The following PRDM16 variants were observed in gnomAD, a reference collection of about 807,000 sequenced individuals.
PRDM16 encodes PR/SET domain 16, also known as histone-lysine N-methyltransferase PRDM16.
A neutral mutation model predicts 110.6 loss-of-function variants in PRDM16; 23 were observed. That is an observed-to-expected ratio of 0.21 (90% CI 0.15 to 0.29). The LOEUF (loss-of-function observed/expected upper bound fraction) is 0.29, where lower values mean the gene tolerates loss of function less well. PRDM16 is among the 10% of genes least tolerant of loss of function. The probability of loss-of-function intolerance (pLI) is 1.00; values close to 1 mark genes in which losing one functional copy is unlikely to be tolerated. For missense variants in PRDM16, 1,615 were observed against 1,794.3 expected (o/e 0.90, Z 1.81); for synonymous variants, 799 against 781.8 (o/e 1.02, Z -0.37).
Position 3,246,254 on chromosome 1 carries a change from G to A in PRDM16, c.438+2117G>A, listed in dbSNP as rs1443182298. Among the ~76,000 whole-genome samples, 4 of 152,330 alleles carry A rather than the reference G, an allele frequency of 2.6e-5. No individual in the cohort carries two copies. The highest frequency in any genetic ancestry group is 2.1e-4 in the South Asian group (1 of 4,826). ...GTCATTCTTGAGAGCGGCTCCCGGGGTGGGCATGAGATGCTGTCCAGCCAG... is the reference window on the plus strand; with the variant it reads ...GTCATTCTTGAGAGCGGCTCCCGGGATGGGCATGAGATGCTGTCCAGCCAG... On this transcript the variant is annotated intron_variant, in intron 3 of 16. Transcript: ENST00000270722. This position sits in a 1 kb window ranked among gnomAD's most constrained non-coding sequence, Gnocchi z 5.2.
chr1:3,089,412 G>T (rs565898038), intron 1 of PRDM16, among the ~76,000 whole-genome samples: 1 of 152,374 alleles, frequency 6.6e-6, no homozygotes, highest in South Asian at 2.1e-4. Flanking sequence ...ACCCTCCATG[G>T]TTTGGGAACT....
intron 2 of PRDM16, chr1:3,205,963 C>G (rs1437996369): frequency 1.3e-5 from 2 of 152,380 alleles, no homozygotes; most frequent in East Asian, 3.8e-4. Context: ...GCCCCCAGCC[C>G]CCTGCCCTGA....
At chr1:3,394,665 G>T (rs957342679) in intron 4 of PRDM16, among the ~76,000 whole-genome samples, 43 of 152,142 alleles carry the variant, frequency 2.8e-4, no homozygotes, top group Non-Finnish European at 5.4e-4. Flanking sequence ...CAGCCAGGCC[G>T]GGCAGTCACT....
intron 12 of PRDM16, among the ~76,000 whole-genome samples, chr1:3,420,315 T>C (rs923810815): frequency 6.6e-6 from 1 of 152,146 alleles, no homozygotes; most frequent in African/African-American, 2.4e-5. Context: ...GATTTTAAAT[T>C]GGAGGAGGGA....
At chr1:3,267,041 G>A (rs559498361) in intron 3 of PRDM16, among the ~76,000 whole-genome samples, 2 of 152,242 alleles carry the variant, frequency 1.3e-5, no homozygotes, top group Admixed American at 6.5e-5. Flanking sequence ...TGTACAAAAC[G>A]TATAACTAAT....
In PRDM16 at chr1:3,411,842, A is replaced by G; in HGVS notation, c.1645A>G (p.Ser549Gly). 1 of 1,611,464 alleles carries G rather than the reference A, an allele frequency of 6.2e-7. No individual in the cohort carries two copies. Among genetic ancestry groups the G allele is most frequent in the Non-Finnish European group, 8.5e-7 (1 of 1,178,712 alleles). The change falls in exon 9 of 17, where the codon AGT becomes GGT. Residue 549 changes from serine to glycine, a missense_variant. Ser to Gly is a moderately conservative substitution (Grantham distance 56, BLOSUM62 0). Transcript: ENST00000270722. Reference protein sequence around the residue: ...LNHTQDAKLPSPLGNPALPLV... With the variant: ...LNHTQDAKLPGPLGNPALPLV... Reference sequence around the variant, plus strand: ...CCACACCCAGGACGCCAAGCTCCCCAGTCCCCTGGGGAACCCAGCCCTGCC... The same window carrying G: ...CCACACCCAGGACGCCAAGCTCCCCGGTCCCCTGGGGAACCCAGCCCTGCC...
At chr1:3,287,198 TGAGCGCCGTAG>T (rs1249770270) in intron 3 of PRDM16, among the ~76,000 whole-genome samples, 2 of 152,170 alleles carry the variant, frequency 1.3e-5, no homozygotes, top group Non-Finnish European at 2.9e-5. Flanking sequence ...CAGGATGCCC[TGAGCGCCGTAG>T]GAGAGCTCCA....
At chr1:3,195,604 T>C (rs939037486) in intron 2 of PRDM16, among the ~76,000 whole-genome samples, 1 of 149,562 alleles carries the variant, frequency 6.7e-6, no homozygotes, top group Admixed American at 6.6e-5. Flanking sequence ...CCTGTCCCAG[T>C]GACACCCAGA....
chr1:3,400,284 G>A (rs1051271915), intron 5 of PRDM16, among the ~76,000 whole-genome samples: 2 of 152,202 alleles, frequency 1.3e-5, no homozygotes, highest in Admixed American at 6.5e-5. Context: ...AGGTCGATGC[G>A]GGGCTTCAGT....
intron 8 of PRDM16, among the ~76,000 whole-genome samples, chr1:3,407,214 G>A (rs1456443204): frequency 3.3e-5 from 5 of 152,180 alleles, no homozygotes; most frequent in Admixed American, 1.3e-4. Context: ...CCAGCCAGCC[G>A]GGCCCCTGTC....
At chr1:3,299,029 C>T (rs1641149794) in intron 3 of PRDM16, among the ~76,000 whole-genome samples, 1 of 152,224 alleles carries the variant, frequency 6.6e-6, no homozygotes, top group Non-Finnish European at 1.5e-5. Flanking sequence ...GTCCTCGGAC[C>T]AGCACTACCA....
intron 3 of PRDM16, among the ~76,000 whole-genome samples, chr1:3,286,526 C>T (rs184001552): frequency 5.1e-4 from 77 of 152,276 alleles, no homozygotes; most frequent in Admixed American, 1.4e-3. Flanking sequence ...TGGACCCAAC[C>T]GAGCCTGCAG....
chr1:3,107,375 C>G (rs536111623), intron 1 of PRDM16, among the ~76,000 whole-genome samples: 15 of 152,240 alleles, frequency 9.9e-5, no homozygotes, highest in African/African-American at 3.4e-4. Context: ...GATTTTGTGC[C>G]CAGGTGGTTT....
In PRDM16 at chr1:3,411,941, C is replaced by T. The variant is rs374451451; in HGVS notation, c.1744C>T (p.Arg582Cys). The stretch of plus-strand genomic sequence containing the variant: ...GGGGCCCGAGGAGAAGTTCGAGAGC[C>T]GCCTGGAGGACTCCTGTGTGGAGAA... ...AAGPEEKFES[R>C]LEDSCVEKLK... Residue 582 changes from arginine (R) to cysteine (C), a missense_variant, in exon 9 of 17, where the codon CGC becomes TGC. Physicochemically the swap from Arg to Cys is radical, Grantham distance 180. Transcript: ENST00000270722. The T allele has an allele frequency of 7.4e-6, 12 of 1,613,574 alleles. No individual in the cohort carries two copies. The highest frequency in any genetic ancestry group is 2.7e-5 in the African/African-American group (2 of 74,882).
At chr1:3,234,090 C>A (rs371480130) in intron 2 of PRDM16, among the ~76,000 whole-genome samples, 10 of 152,042 alleles carry the variant, frequency 6.6e-5, no homozygotes, top group African/African-American at 2.4e-4. Context: ...GCGATTGGGT[C>A]GGTCCCGGTG....
chr1:3,249,021 C>G (rs547952333), intron 3 of PRDM16, among the ~76,000 whole-genome samples: 15 of 152,322 alleles, frequency 9.8e-5, no homozygotes, highest in Admixed American at 9.8e-4. Flanking sequence ...ACCCTGAGGT[C>G]TAAACGCAGC....
At chr1:3,405,232 G>A (rs1643540259) in intron 7 of PRDM16, among the ~76,000 whole-genome samples, 1 of 152,204 alleles carries the variant, frequency 6.6e-6, no homozygotes, top group Non-Finnish European at 1.5e-5. Flanking sequence ...AGCTGAAAAC[G>A]CTTTCTGCAG....
intron 4 of PRDM16, among the ~76,000 whole-genome samples, chr1:3,392,088 C>T (rs931279489): frequency 2.0e-5 from 3 of 152,204 alleles, no homozygotes; most frequent in African/African-American, 4.8e-5. Flanking sequence ...ATGCAGGGGA[C>T]GATCCTCAGC....
rs1290003944 is a variant in PRDM16, at chr1:3,148,835, G to A, written c.38-37290G>A. On this transcript the variant is annotated intron_variant, in intron 1 of 16. Coordinates refer to ENST00000270722, the MANE Select transcript of PRDM16 (RefSeq NM_022114.4). This position sits in a 1 kb window ranked among gnomAD's most constrained non-coding sequence, Gnocchi z 5.0. ...GAAAGTCCTTCTAGAAAGCCAGGAT[G>A]TTTGTTAATTTATTTTTAAGATTTA... is the stretch of plus-strand genomic sequence containing the variant. Among the ~76,000 whole-genome samples the A allele has an allele frequency of 6.6e-6, 1 of 152,204 alleles. No individual in the cohort carries two copies.
Sources: gnomAD v4.1 joint callset for allele counts (sites outside exome capture counted in the v4.1 genomes callset) on GRCh38, gnomAD v4.1.1 for gene constraint, Gnocchi (gnomAD v3.1) non-coding constraint, MANE v1.5 for transcripts, NCBI Gene and HGNC (gene_info 2026-07-23, HGNC 2026-07-21) for gene names.